PGAP6: variants seen among roughly 807,000 people sequenced by gnomAD.
PGAP6 encodes post-GPI attachment to proteins 6.
A neutral mutation model predicts 68.4 loss-of-function variants in PGAP6; 62 were observed. The observed-to-expected ratio is 0.91, with a 90% CI of 0.74 to 1.12. The LOEUF (loss-of-function observed/expected upper bound fraction) is 1.12, where lower values mean the gene tolerates loss of function less well. Ranked by LOEUF, PGAP6 falls within the 50% of genes most tolerant of loss-of-function variation. The pLI, the probability that PGAP6 is intolerant of heterozygous loss-of-function variation, is 0.00. For synonymous variants in PGAP6, 575 were observed against 474.0 expected (o/e 1.21, Z -2.77); for missense variants, 1,188 against 1,068.5 (o/e 1.11, Z -1.56).
rs1280995229 is a variant in PGAP6 at position 372,278 on chromosome 16, G to C, written c.2025C>G (p.Tyr675Ter). 2 of 1,607,918 alleles carry C rather than the reference G, an allele frequency of 1.2e-6. No homozygotes were observed. The highest frequency in any genetic ancestry group is 8.5e-7 in the Non-Finnish European group (1 of 1,179,428). Residue 675 changes from tyrosine to a stop codon, truncating the protein, a stop_gained, in exon 13 of 13, where the codon TAC (tyrosine) becomes TAG (stop). Transcript: ENST00000431232. LOFTEE classifies it low-confidence loss of function (END_TRUNC). ...AFVIMASMWA[Y>*]RCGHRRQCYP... ...AGCACTGGCGCCGGTGCCCGCAGCG[G>C]TAAGCCTGGAGAAAACAGCCACGCA...
At chr16:377,979 C>A in intron 1 of PGAP6, 131 bp from the exon 2 acceptor site, 1 of 770,166 alleles carries the variant, frequency 1.3e-6, no homozygotes, top group Non-Finnish European at 2.1e-6. Context: ...CACACCAACT[C>A]TGACCTTGGC....
rs775805756 is a variant in PGAP6, at chr16:376,611, TTGCAGCCACC to T, written c.827_836del (p.Arg276GlnfsTer2). The T allele has an allele frequency of 3.1e-6, 5 of 1,594,356 alleles. No homozygotes were observed. The South Asian group carries it at 5.6e-5, about 18-fold the overall frequency. ...GCCCCACCAGGCTCTCAGCTGTCAC[TTGCAGCCACC>T]GGTCCCAGGGCGGTGAGGGCAGCAG... On this transcript the variant is annotated frameshift_variant, in exon 5 of 13. Coordinates refer to ENST00000431232, the MANE Select transcript of PGAP6 (RefSeq NM_021259.3). LOFTEE classifies it high-confidence loss of function.
chr16:377,278 G>C, intron 3 of PGAP6, 100 bp downstream of exon 3: 3 of 1,578,518 alleles, frequency 1.9e-6, no homozygotes, highest in Non-Finnish European at 2.6e-6. Flanking sequence ...AGAGTGCAGC[G>C]TGGAGCCTAG....
intron 1 of PGAP6, among the ~76,000 whole-genome samples, chr16:378,223 C>CGCAT (rs2054405372): frequency 2.0e-5 from 3 of 147,872 alleles, no homozygotes; most frequent in Admixed American, 6.7e-5. Flanking sequence ...CATCGCCACC[C>CGCAT]TGACTGCCAT....
In PGAP6 at chr16:377,022, C is replaced by T. The variant is rs572203277; in HGVS notation, c.635+15G>A. The T allele has an allele frequency of 6.2e-7, 1 of 1,612,294 alleles. No homozygotes were observed. Among genetic ancestry groups the T allele is most frequent in the South Asian group, 1.1e-5 (1 of 91,058 alleles). ...CGGAGGGCAGAGCCGGGCTGCCCCC[C>T]AGGCCCCCGCTCACTTGAGGTAGCT... On this transcript the variant is annotated intron_variant, in intron 4 of 12. Transcript: ENST00000431232.
rs1178072687 is a variant in PGAP6 at position 375,211 on chromosome 16, C to T, written c.1361G>A (p.Arg454Lys). The stretch of plus-strand genomic sequence containing the variant: ...TGGGTAGGGGATGATGAGGTTGGCC[C>T]TGCGAGACCAGGCGCTCAGAGACAA... Reference protein sequence around the residue: ...YPLSLSAWSRRANLIIPYPET... With the variant: ...YPLSLSAWSRKANLIIPYPET... The change falls in exon 8 of 13, where the codon AGG becomes AAG. Residue 454 changes from arginine (R) to lysine (K), a missense_variant. Physicochemically the swap from Arg to Lys is conservative, Grantham distance 26. Coordinates refer to ENST00000431232, the MANE Select transcript of PGAP6 (RefSeq NM_021259.3). 6.2e-7 allele frequency: 1 copy of T among 1,613,344 alleles called. No individual in the cohort carries two copies. Among genetic ancestry groups the T allele is most frequent in the Admixed American group, 1.7e-5 (1 of 60,022 alleles).
chr16:372,482 G>A (rs1371409112), intron 12 of PGAP6, 129 bp downstream of exon 12: 2 of 974,610 alleles, frequency 2.1e-6, no homozygotes, highest in Non-Finnish European at 3.2e-6. Context: ...CTCTGTGGGT[G>A]CCATGGCAAC....
intron 11 of PGAP6, 96 bp downstream of exon 11, chr16:373,909 G>T: frequency 7.1e-7 from 1 of 1,415,948 alleles, no homozygotes; most frequent in Non-Finnish European, 9.3e-7. Flanking sequence ...CGTGCCCAAC[G>T]CCAGGTCCGG....
chr16:376,014 C>T, intron 6 of PGAP6, 122 bp downstream of exon 6: 2 of 1,051,546 alleles, frequency 1.9e-6, no homozygotes, highest in Non-Finnish European at 2.7e-6. Flanking sequence ...CCTGTCTTGG[C>T]CCGTGCCTGC....
In PGAP6 at chr16:381,833, C is replaced by T. The variant is rs1303123308; in HGVS notation, c.-12G>A. Reference sequence around the variant, plus strand: ...CCAGCCCGGCCCATGGCTCCGCGCTCGGCCCGGCGCTACCCGGCCCGCGTC... The same window carrying T: ...CCAGCCCGGCCCATGGCTCCGCGCTTGGCCCGGCGCTACCCGGCCCGCGTC... On this transcript the variant is annotated 5_prime_UTR_variant, in exon 1 of 13. Coordinates refer to ENST00000431232, the MANE Select transcript of PGAP6 (RefSeq NM_021259.3). 9.6e-6 allele frequency: 10 copies of T among 1,037,576 alleles called. No individual in the cohort carries two copies. Among genetic ancestry groups the T allele is most frequent in the Non-Finnish European group, 1.2e-5 (10 of 865,252 alleles). The allele number at this position is 1,037,576 out of a possible 1,614,324, so 64.3% of individuals were successfully genotyped here.
intron 12 of PGAP6, 34 bp from the exon 13 acceptor site, chr16:372,317 G>A (rs979345742): frequency 4.4e-6 from 7 of 1,580,734 alleles, no homozygotes; most frequent in South Asian, 1.1e-5. Flanking sequence ...ATCAGTGCAG[G>A]TGGGGCCGCG....
chr16:381,797 C>G lies in PGAP6; in HGVS notation c.25G>C (p.Gly9Arg). Residue 9 changes from glycine (G) to arginine (R), a missense_variant, in exon 1 of 13, where the codon GGG becomes CGG. Gly to Arg is a moderately radical substitution (Grantham distance 125). Coordinates refer to ENST00000431232, the MANE Select transcript of PGAP6 (RefSeq NM_021259.3). ...ACCACCGCGGCCACCGCCTCGCCCC[C>G]GGTCCCGGTGCCAGCCCGGCCCATG... MGRAGTGT[G>R]GEAVAAVVAG... 2 of 1,152,302 alleles carry G rather than the reference C, an allele frequency of 1.7e-6. No individual in the cohort carries two copies. Among genetic ancestry groups the G allele is most frequent in the African/African-American group, 3.3e-5 (2 of 61,344 alleles). The allele number at this position is 1,152,302 out of a possible 1,614,324, so 71.4% of individuals were successfully genotyped here. A position where few individuals can be genotyped will look rare whatever the true frequency, so the allele number is the denominator to read the frequency against.
chr16:381,995 G>C (rs1441751874), upstream of PGAP6: 2 of 932,560 alleles, frequency 2.1e-6, no homozygotes, highest in Non-Finnish European at 2.6e-6. Context: ...CGCAGGCCCC[G>C]CCCCGCAGGC....
chr16:382,002 A>T (rs1466795612), upstream of PGAP6: 5 of 932,360 alleles, frequency 5.4e-6, no homozygotes, highest in Admixed American at 5.9e-5. Context: ...CCCGCCCCGC[A>T]GGCCGAGCCG....
chr16:379,168 T>C (rs1363652709), intron 1 of PGAP6, among the ~76,000 whole-genome samples: 1 of 152,186 alleles, frequency 6.6e-6, no homozygotes, highest in Non-Finnish European at 1.5e-5. Flanking sequence ...TCCCCTCTGC[T>C]GCAGCTCCCC....
At chr16:379,105 C>G (rs193146955) in intron 1 of PGAP6, among the ~76,000 whole-genome samples, 616 of 152,278 alleles carry the variant, frequency 4.0e-3, no homozygotes, top group Non-Finnish European at 7.2e-3. Context: ...GGTTAATTAA[C>G]GACAAAGGCT....
At position 376,631 on chromosome 16, in the gene PGAP6, G is replaced by A. The variant is rs780030212; in HGVS notation, c.817C>T (p.Pro273Ser). Residue 273 changes from proline to serine, a missense_variant, in exon 5 of 13, where the codon CCC (proline) becomes TCC (serine). Coordinates refer to ENST00000431232, the MANE Select transcript of PGAP6 (RefSeq NM_021259.3). ...GTCACTTGCAGCCACCGGTCCCAGGGCGGTGAGGGCAGCAGCAGGCGGCAG... is the reference window on the plus strand; with the variant it reads ...GTCACTTGCAGCCACCGGTCCCAGGACGGTGAGGGCAGCAGCAGGCGGCAG... ...WPCRLLLPSP[P>S]WDRWLQVTAE... is the part of the protein sequence containing the mutation. 1.2e-6 allele frequency: 2 copies of A among 1,603,640 alleles called. No individual in the cohort carries two copies. Among genetic ancestry groups the A allele is most frequent in the Non-Finnish European group, 8.5e-7 (1 of 1,174,818 alleles).
upstream of PGAP6, among the ~76,000 whole-genome samples, chr16:385,025 G>T (rs1001999839): frequency 6.6e-6 from 1 of 151,502 alleles, no homozygotes; most frequent in Non-Finnish European, 1.5e-5. Flanking sequence ...AATTAGCCAG[G>T]CATGGTGACA....
rs2054334310 is a variant in PGAP6, at chr16:371,691, GC to G, written c.*295del. Reference sequence around the variant, plus strand: ...CACCCACAGGCCAGCAGAGCACACAGCCCCACCCTCGCACAGGCACCTGTGG... The same window carrying G: ...CACCCACAGGCCAGCAGAGCACACAGCCCACCCTCGCACAGGCACCTGTGG... On this transcript the variant is annotated 3_prime_UTR_variant, in exon 13 of 13. Coordinates refer to ENST00000431232, the MANE Select transcript of PGAP6 (RefSeq NM_021259.3). The G allele has an allele frequency of 7.3e-6, 3 of 408,332 alleles. No individual in the cohort carries two copies. The highest frequency in any genetic ancestry group is 7.1e-5 in the South Asian group (3 of 42,304). The allele number at this position is 408,332 out of a possible 1,614,324, so 25.3% of individuals were successfully genotyped here.
Sources: allele counts gnomAD v4.1 joint callset (sites outside exome capture counted in the v4.1 genomes callset), GRCh38; gene constraint gnomAD v4.1.1; transcripts MANE v1.5; gene names NCBI Gene and HGNC (gene_info 2026-07-23, HGNC 2026-07-21).